The following NRG1 variants were observed in gnomAD, a reference collection of about 807,000 sequenced individuals.
The protein encoded by NRG1 is pro-neuregulin-1, membrane-bound isoform.
A neutral mutation model predicts 63.8 loss-of-function variants in NRG1; 18 were observed. The ratio of observed to expected loss-of-function variants is 0.28; its 90% CI spans 0.19 to 0.42. The LOEUF is 0.42. NRG1 is among the 10% of genes least tolerant of loss of function. The probability of loss-of-function intolerance (pLI) is 1.00; values close to 1 mark genes in which losing one functional copy is unlikely to be tolerated. For synonymous variants in NRG1, 302 were observed against 301.3 expected, an observed-to-expected ratio of 1.00 and a Z score of -0.02; for missense variants, 762 against 814.7, an observed-to-expected ratio of 0.94 and a Z score of 0.79.
intron 1 of NRG1, among the ~76,000 whole-genome samples, chr8:32,119,181 A>G (rs1350635811): frequency 2.0e-5 from 3 of 152,118 alleles, no homozygotes; most frequent in African/African-American, 7.2e-5. Context: ...TGAGTATTAC[A>G]AGGCAATTAG....
chr8:31,819,635 A>C (rs1823811297), intron 1 of NRG1, among the ~76,000 whole-genome samples: 1 of 152,212 alleles, frequency 6.6e-6, no homozygotes, highest in Non-Finnish European at 1.5e-5. Context: ...ACAGTGAACT[A>C]TGAATTAGGA....
intron 1 of NRG1, among the ~76,000 whole-genome samples, chr8:32,122,557 G>A (rs868664308): frequency 2.6e-5 from 4 of 151,880 alleles, no homozygotes; most frequent in African/African-American, 9.7e-5. Flanking sequence ...TTTTCCAAGG[G>A]TGTGTGAAAT....
At chr8:32,551,824 G>A (rs1834177032) in intron 1 of NRG1, among the ~76,000 whole-genome samples, 1 of 151,850 alleles carries the variant, frequency 6.6e-6, no homozygotes, top group Admixed American at 6.6e-5. Context: ...GGGTCTCCTT[G>A]GTGCTGGACC....
rs371224479 is a variant in NRG1, at chr8:32,056,498, C to A, written c.37+417067C>A. Among the ~76,000 whole-genome samples the A allele has an allele frequency of 7.2e-5, 11 of 152,078 alleles. No individual in the cohort carries two copies. In the East Asian group the frequency reaches 9.6e-4, roughly 13 times the overall value. On this transcript the variant is annotated intron_variant, in intron 1 of 10. Coordinates refer to the NRG1 transcript ENST00000519301. ...GCTTTTGTCTGTCATAGTATTGATT[C>A]ATCGAGCCTCAATCATATTTCAGCC...
chr8:32,216,660 T>C, intron 1 of NRG1, among the ~76,000 whole-genome samples: 1 of 149,908 alleles, frequency 6.7e-6, no homozygotes, highest in East Asian at 1.9e-4. Context: ...ACAATAGAAA[T>C]GCTGGCAGAG....
chr8:32,716,821 C>CGTGT (rs67034958), intron 5 of NRG1, among the ~76,000 whole-genome samples: 5 of 149,814 alleles, frequency 3.3e-5, no homozygotes, highest in African/African-American at 7.4e-5. Flanking sequence ...TGTGCATGTG[C>CGTGT]GTGTGTGTGT....
At chr8:32,754,119 C>T (rs1387196299) in intron 7 of NRG1, among the ~76,000 whole-genome samples, 1 of 152,030 alleles carries the variant, frequency 6.6e-6, no homozygotes, top group African/African-American at 2.4e-5. Context: ...ATCTCTATAG[C>T]TTATAATTAG....
chr8:32,255,372 T>C (rs1018493787), intron 1 of NRG1, among the ~76,000 whole-genome samples: 2 of 152,234 alleles, frequency 1.3e-5, no homozygotes, highest in African/African-American at 4.8e-5. Flanking sequence ...CAGGAGCTCT[T>C]GTAAGGCAGA....
chr8:32,645,481 A>ACTG (rs1853325137), intron 5 of NRG1, among the ~76,000 whole-genome samples: 1 of 152,204 alleles, frequency 6.6e-6, no homozygotes, highest in Non-Finnish European at 1.5e-5. Flanking sequence ...GACCCTTTAA[A>ACTG]TCATGTATAA....
intron 1 of NRG1, among the ~76,000 whole-genome samples, chr8:32,558,384 T>C (rs560959759): frequency 2.0e-5 from 3 of 152,314 alleles, no homozygotes; most frequent in Admixed American, 6.5e-5. Context: ...GGTGAAGACA[T>C]GTTTCAGTGC....
intron 1 of NRG1, among the ~76,000 whole-genome samples, chr8:31,993,159 G>A (rs748848118): frequency 6.6e-6 from 1 of 151,946 alleles, no homozygotes; most frequent in South Asian, 2.1e-4. Context: ...AGTAGAGGGT[G>A]GTTGATCAGT....
At chr8:32,517,755 G>C (rs181151747) in intron 1 of NRG1, among the ~76,000 whole-genome samples, 1 of 152,260 alleles carries the variant, frequency 6.6e-6, no homozygotes, top group East Asian at 1.9e-4. Context: ...TCATGTATGG[G>C]ACTGGCCTGT....
At chr8:32,603,953 C>T (rs1277600113) in intron 2 of NRG1, among the ~76,000 whole-genome samples, 2 of 152,212 alleles carry the variant, frequency 1.3e-5, no homozygotes, top group African/African-American at 4.8e-5. Context: ...CATTCATTCA[C>T]ACATTTATTC....
intron 1 of NRG1, among the ~76,000 whole-genome samples, chr8:32,183,150 G>T (rs1841606920): frequency 6.6e-6 from 1 of 152,172 alleles, no homozygotes; most frequent in East Asian, 1.9e-4. Flanking sequence ...GTTGCTGGAT[G>T]GTGGAGCTGG....
At chr8:32,392,509 T>A (rs1811904584) in intron 1 of NRG1, among the ~76,000 whole-genome samples, 1 of 152,228 alleles carries the variant, frequency 6.6e-6, no homozygotes, top group South Asian at 2.1e-4. Flanking sequence ...AAGGAGTTGT[T>A]GTTGATGTTG....
At chr8:32,520,932 T>G (rs1830277841) in intron 1 of NRG1, among the ~76,000 whole-genome samples, 2 of 152,174 alleles carry the variant, frequency 1.3e-5, no homozygotes, top group African/African-American at 2.4e-5. Flanking sequence ...ATGATCAGAT[T>G]AACTGTCACA....
intron 5 of NRG1, among the ~76,000 whole-genome samples, chr8:32,725,551 C>T (rs1417322556): frequency 7.4e-6 from 1 of 135,790 alleles, no homozygotes; most frequent in South Asian, 2.5e-4. Context: ...TCTCGGCTCA[C>T]TGCAACCACC....
At chr8:31,642,160 C>T (rs1408523310) in intron 1 of NRG1, among the ~76,000 whole-genome samples, 7 of 152,176 alleles carry the variant, frequency 4.6e-5, no homozygotes, top group African/African-American at 1.4e-4. Context: ...GGGAAATGCT[C>T]TGCTGGGAGC....
intron 1 of NRG1, among the ~76,000 whole-genome samples, chr8:31,720,076 A>C (rs1812754715): frequency 6.6e-6 from 1 of 152,160 alleles, no homozygotes; most frequent in Non-Finnish European, 1.5e-5. Flanking sequence ...GTTTAATGAA[A>C]GATATTTCCA....
Sources: gnomAD v4.1 joint callset for allele counts (sites outside exome capture counted in the v4.1 genomes callset) on GRCh38, gnomAD v4.1.1 for gene constraint, MANE v1.5 for transcripts, NCBI Gene and HGNC (gene_info 2026-07-23, HGNC 2026-07-21) for gene names.